Variants in MAPK10 observed in about 807,000 individuals in gnomAD.
The protein encoded by MAPK10 is JNK3 alpha protein kinase.
In MAPK10, 25 loss-of-function variants were observed where a neutral mutation model predicts 59.3. The observed-to-expected ratio is 0.42, with a 90% CI of 0.31 to 0.59. The LOEUF (loss-of-function observed/expected upper bound fraction) is 0.59. Among genes scored for constraint, MAPK10 ranks in the 20% least tolerant of loss-of-function variants. The pLI is 0.15. For missense variants in MAPK10, 351 were observed against 568.9 expected (o/e 0.62, Z 3.90); for synonymous variants, 190 against 200.5 (o/e 0.95, Z 0.44).
At chr4:86,302,955 C>T (rs547696364) in intron 2 of MAPK10, among the ~76,000 whole-genome samples, 1 of 152,196 alleles carries the variant, frequency 6.6e-6, no homozygotes, top group Non-Finnish European at 1.5e-5. Flanking sequence ...CATCCTCACT[C>T]ATAGCAAAAT....
chr4:86,306,071 C>G (rs558020517), intron 2 of MAPK10, among the ~76,000 whole-genome samples: 5 of 151,986 alleles, frequency 3.3e-5, no homozygotes, highest in Admixed American at 3.3e-4. Flanking sequence ...AATTGAGGAC[C>G]CAAAAGAGCT....
Position 86,013,018 on chromosome 4 carries a change from T to A in MAPK10, c.*4210A>T, listed in dbSNP as rs1420223039. The A allele has an allele frequency of 6.6e-6, 1 of 152,164 alleles. No individual in the cohort carries two copies. Among genetic ancestry groups the A allele is most frequent in the Admixed American group, 6.6e-5 (1 of 15,260 alleles). 9.4% of individuals were successfully genotyped at this position (152,164 alleles called of 1,614,324 possible). On this transcript the variant is annotated 3_prime_UTR_variant, in exon 14 of 14. Transcript: ENST00000641462. ...TGAACAGATAATCCTACATAAGGATTGGGAGATTTGTGTCCATTAGAATAT... is the reference window on the plus strand; with the variant it reads ...TGAACAGATAATCCTACATAAGGATAGGGAGATTTGTGTCCATTAGAATAT...
chr4:86,033,379 GT>G (rs950609991), intron 11 of MAPK10, among the ~76,000 whole-genome samples: 3 of 152,220 alleles, frequency 2.0e-5, no homozygotes, highest in African/African-American at 7.2e-5. Context: ...CCTCTGAGCT[GT>G]TGGCACCTCC....
chr4:86,367,522 C>A (rs1020756584), intron 1 of MAPK10, among the ~76,000 whole-genome samples: 4 of 152,128 alleles, frequency 2.6e-5, no homozygotes, highest in Non-Finnish European at 4.4e-5. Context: ...CAGGTCTATG[C>A]AAACCTACCC....
intron 1 of MAPK10, among the ~76,000 whole-genome samples, chr4:86,372,652 C>G (rs1380446404): frequency 6.6e-6 from 1 of 152,028 alleles, no homozygotes; most frequent in East Asian, 1.9e-4. Flanking sequence ...CTACCTTCTC[C>G]TGAATGACTA....
chr4:86,462,182 G>T (rs929501273), intron 1 of MAPK10, among the ~76,000 whole-genome samples: 4 of 152,232 alleles, frequency 2.6e-5, no homozygotes, highest in Admixed American at 1.3e-4. Context: ...CCCAACAGGA[G>T]TCTGTGGACC....
chr4:86,218,821 T>G (rs1174848705), intron 2 of MAPK10, among the ~76,000 whole-genome samples: 1 of 152,182 alleles, frequency 6.6e-6, no homozygotes, highest in African/African-American at 2.4e-5. Flanking sequence ...GAGGTCACTC[T>G]ATCTCCCAGT....
intron 9 of MAPK10, among the ~76,000 whole-genome samples, chr4:86,097,510 T>TA (rs1205567927): frequency 6.6e-6 from 1 of 152,038 alleles, no homozygotes; most frequent in African/African-American, 2.4e-5. Context: ...GAATGGTTAA[T>TA]AGAGTTATGG....
chr4:86,114,408 TTTTG>T (rs202064103), intron 4 of MAPK10, among the ~76,000 whole-genome samples: 2,907 of 152,324 alleles, frequency 0.019, 38 homozygotes, highest in South Asian at 0.065. Context: ...TTGTGGGGTC[TTTTG>T]TTTAACAGTA....
At chr4:86,047,654 G>A (rs546773795) in intron 11 of MAPK10, among the ~76,000 whole-genome samples, 36 of 152,230 alleles carry the variant, frequency 2.4e-4, no homozygotes, top group Admixed American at 7.2e-4. Context: ...GTGTGTGCAC[G>A]CACGTGCACT....
chr4:86,330,875 A>T (rs186664781), intron 2 of MAPK10, among the ~76,000 whole-genome samples: 1 of 152,326 alleles, frequency 6.6e-6, no homozygotes, highest in East Asian at 1.9e-4. Context: ...TTCTTAAGTT[A>T]ATTAAAATAT....
chr4:86,179,276 A>G (rs1399663431), intron 3 of MAPK10, among the ~76,000 whole-genome samples: 2 of 152,092 alleles, frequency 1.3e-5, no homozygotes, highest in Non-Finnish European at 2.9e-5. Context: ...CACAAACAAT[A>G]AAATACCTAG....
At chr4:86,196,928 T>C (rs55935230) in intron 2 of MAPK10, among the ~76,000 whole-genome samples, 10,904 of 152,296 alleles carry the variant, frequency 0.072, 565 homozygotes, top group Non-Finnish European at 0.11. Flanking sequence ...TATATTTGTT[T>C]TGGTACCAGC....
intron 2 of MAPK10, among the ~76,000 whole-genome samples, chr4:86,284,105 C>T (rs1462739641): frequency 6.6e-6 from 1 of 152,164 alleles, no homozygotes; most frequent in Admixed American, 6.5e-5. Flanking sequence ...ATTTATTGAG[C>T]ATTTACTATG....
intron 1 of MAPK10, among the ~76,000 whole-genome samples, chr4:86,586,101 T>G (rs1230753013): frequency 6.6e-6 from 1 of 152,186 alleles, no homozygotes; most frequent in South Asian, 2.1e-4. Context: ...TTAGAGCATA[T>G]TCACATTAAA....
intron 3 of MAPK10, among the ~76,000 whole-genome samples, chr4:86,174,520 G>T (rs1046436882): frequency 6.6e-6 from 1 of 152,122 alleles, no homozygotes; most frequent in Non-Finnish European, 1.5e-5. Context: ...ATGTGGGTGG[G>T]TTGATAGGTG....
At chr4:86,148,336 G>C (rs988972567) in intron 4 of MAPK10, among the ~76,000 whole-genome samples, 11 of 152,158 alleles carry the variant, frequency 7.2e-5, no homozygotes, top group African/African-American at 2.7e-4. Flanking sequence ...AGAGCATTCA[G>C]GTGAAAGAAA....
intron 1 of MAPK10, among the ~76,000 whole-genome samples, chr4:86,385,294 T>G (rs1741315737): frequency 6.6e-6 from 1 of 152,214 alleles, no homozygotes; most frequent in Non-Finnish European, 1.5e-5. Flanking sequence ...CCATTGCTGG[T>G]TATTTTTGCC....
chr4:86,043,228 A>G (rs2041910126), intron 11 of MAPK10, among the ~76,000 whole-genome samples: 1 of 152,150 alleles, frequency 6.6e-6, no homozygotes, highest in African/African-American at 2.4e-5. Flanking sequence ...TAAAGAAAAA[A>G]TTTCTGAGAT....
Sources: gnomAD v4.1 joint callset for allele counts (sites outside exome capture counted in the v4.1 genomes callset) on GRCh38, gnomAD v4.1.1 for gene constraint, MANE v1.5 for transcripts, NCBI Gene and HGNC (gene_info 2026-07-23, HGNC 2026-07-21) for gene names.